Variants in PRKDC observed in about 807,000 individuals in gnomAD.
The protein encoded by PRKDC is protein kinase, DNA-activated, catalytic subunit.
In PRKDC, 82 loss-of-function variants were observed where a neutral mutation model predicts 486.9. The ratio of observed to expected loss-of-function variants is 0.17; its 90% CI spans 0.14 to 0.20. PRKDC has a LOEUF of 0.20. Among genes scored for constraint, PRKDC ranks in the 10% least tolerant of loss-of-function variants. PRKDC has a pLI of 1.00. For synonymous variants in PRKDC, 1,895 were observed against 1,837.0 expected, an observed-to-expected ratio of 1.03 and a Z score of -0.81; for missense variants, 4,504 against 5,038.2, an observed-to-expected ratio of 0.89 and a Z score of 3.21.
chr8:47,834,619 C>G (rs2087967465), intron 58 of PRKDC, among the ~76,000 whole-genome samples: 1 of 152,056 alleles, frequency 6.6e-6, no homozygotes, highest in Non-Finnish European at 1.5e-5. Context: ...AAGTAAGAAA[C>G]ACGCCACTTG....
At chr8:47,941,199 T>G (rs2090439693) in intron 10 of PRKDC, among the ~76,000 whole-genome samples, 2 of 147,854 alleles carry the variant, frequency 1.4e-5, no homozygotes, top group Admixed American at 6.7e-5. Context: ...GTGAGGAAAA[T>G]ATATTCAACA....
intron 29 of PRKDC, 127 bp downstream of exon 29, chr8:47,898,343 T>G (rs1432221184): frequency 5.3e-6 from 4 of 753,882 alleles, no homozygotes; most frequent in African/African-American, 1.8e-5. Flanking sequence ...TCTTCAGACT[T>G]CCACACATTC....
chr8:47,877,009 T>G (rs1353533628), intron 40 of PRKDC, among the ~76,000 whole-genome samples: 1 of 152,238 alleles, frequency 6.6e-6, no homozygotes, highest in Non-Finnish European at 1.5e-5. Flanking sequence ...CAACTATTAG[T>G]CTTGCCAAAA....
chr8:47,899,558 G>A (rs1276565139), intron 28 of PRKDC, among the ~76,000 whole-genome samples: 2 of 152,144 alleles, frequency 1.3e-5, no homozygotes, highest in African/African-American at 4.8e-5. Context: ...CAGGAGAATC[G>A]CTTGAACCCA....
chr8:47,933,584 ATAAC>A (rs2090295971), intron 15 of PRKDC, among the ~76,000 whole-genome samples: 1 of 152,246 alleles, frequency 6.6e-6, no homozygotes, highest in African/African-American at 2.4e-5. Flanking sequence ...ATGTGCATAC[ATAAC>A]TAAATATGCA....
chr8:47,889,231 G>A lies in PRKDC; in HGVS notation c.4072-9C>T. 1.9e-6 allele frequency: 3 copies of A among 1,582,950 alleles called. No individual in the cohort carries two copies. The highest frequency in any genetic ancestry group is 2.6e-6 in the Non-Finnish European group (3 of 1,164,470). ...AAGTCCTTCTTCAGGAGCTGTAACAGATTGTTTGATAAAAACACTTCGTCA... is the reference window on the plus strand; with the variant it reads ...AAGTCCTTCTTCAGGAGCTGTAACAAATTGTTTGATAAAAACACTTCGTCA... On this transcript the variant is annotated splice_polypyrimidine_tract_variant and intron_variant, in intron 32 of 85. Coordinates refer to ENST00000314191, the MANE Select transcript of PRKDC (RefSeq NM_006904.7).
intron 59 of PRKDC, 64 bp downstream of exon 59, chr8:47,834,132 G>T (rs1271170479): frequency 2.5e-6 from 4 of 1,579,784 alleles, no homozygotes; most frequent in South Asian, 2.2e-5. Context: ...AATGTCCCCA[G>T]ACCTGAGCTC....
In PRKDC at chr8:47,944,019, A is replaced by G; in HGVS notation, c.732T>C (p.Thr244=). The G allele has an allele frequency of 6.4e-7, 1 of 1,562,876 alleles. No individual in the cohort carries two copies. The highest frequency in any genetic ancestry group is 1.4e-5 in the African/African-American group (1 of 73,530). The change falls in exon 8 of 86, where the codon ACT becomes ACC. Residue 244 remains threonine, a synonymous_variant. Coordinates refer to ENST00000314191, the MANE Select transcript of PRKDC (RefSeq NM_006904.7). ...GTACAAAATTAAAAATCTCCCTTGAAGTCTGGGGATCTAGGGAAATACCAA... is the reference window on the plus strand; with the variant it reads ...GTACAAAATTAAAAATCTCCCTTGAGGTCTGGGGATCTAGGGAAATACCAA... ...FTKSMEEDPQ[T]SREIFNFVLK...
chr8:47,820,453 G>GA (rs747833902), intron 66 of PRKDC, among the ~76,000 whole-genome samples: 7 of 149,498 alleles, frequency 4.7e-5, no homozygotes, highest in East Asian at 2.0e-4. Flanking sequence ...TAACAAAAAG[G>GA]AAAAAAAATG....
At chr8:47,911,629 C>T (rs2089904921) in intron 25 of PRKDC, among the ~76,000 whole-genome samples, 1 of 152,014 alleles carries the variant, frequency 6.6e-6, no homozygotes, top group Admixed American at 6.6e-5. Flanking sequence ...TAAGTGTGTA[C>T]CCTGATATCC....
At chr8:47,888,730 A>G (rs1250001441) in intron 33 of PRKDC, 80 bp from the exon 34 acceptor site, 4 of 1,451,730 alleles carry the variant, frequency 2.8e-6, no homozygotes, top group Non-Finnish European at 3.6e-6. Context: ...AAATGTTTGC[A>G]CTGTTATGAA....
At chr8:47,827,025 A>C (rs1022737030) in intron 62 of PRKDC, among the ~76,000 whole-genome samples, 164 bp from the exon 63 acceptor site, 3 of 151,962 alleles carry the variant, frequency 2.0e-5, no homozygotes, top group South Asian at 2.1e-4. Context: ...AACAATATTC[A>C]ATTTGCTCAA....
Position 47,825,449 on chromosome 8 carries a change from C to A in PRKDC, c.8783+1207G>T, listed in dbSNP as rs182542571. Among the ~76,000 whole-genome samples, 752 of 125,248 alleles carry A rather than the reference C, an allele frequency of 6.0e-3. 12 individuals are homozygous for A. The highest frequency in any genetic ancestry group is 0.023 in the African/African-American group (727 of 32,088). 82.2% of individuals were successfully genotyped at this position (125,248 alleles called of 152,430 possible). A position where few individuals can be genotyped will look rare whatever the true frequency, so the allele number is the denominator to read the frequency against. The stretch of plus-strand genomic sequence containing the variant: ...GCTTGAACCCGGGAGGTGGAGGTTG[C>A]AGTGAGCCAAGATTGTGCCACTGCA... On this transcript the variant is annotated intron_variant, in intron 63 of 85. Coordinates refer to ENST00000314191, the MANE Select transcript of PRKDC (RefSeq NM_006904.7).
chr8:47,859,557 C>T (rs1427886135), intron 46 of PRKDC, 54 bp downstream of exon 46: 3 of 1,574,496 alleles, frequency 1.9e-6, no homozygotes, highest in Non-Finnish European at 1.7e-6. Flanking sequence ...TAGCTGTGAC[C>T]CCCTTTCTTC....
At chr8:47,943,824 A>G in intron 9 of PRKDC, 29 bp downstream of exon 9, 1 of 1,523,308 alleles carries the variant, frequency 6.6e-7, no homozygotes, top group Non-Finnish European at 8.9e-7. Context: ...AATCTAAAAT[A>G]TTATACCTCA....
chr8:47,889,378 T>C (rs1444930027), intron 32 of PRKDC, among the ~76,000 whole-genome samples, 156 bp from the exon 33 acceptor site: 1 of 152,232 alleles, frequency 6.6e-6, no homozygotes, highest in Non-Finnish European at 1.5e-5. Context: ...TTGAGGTTTG[T>C]GGGCTAGACA....
intron 80 of PRKDC, among the ~76,000 whole-genome samples, chr8:47,780,701 A>T (rs1320232055): frequency 6.6e-6 from 1 of 152,190 alleles, no homozygotes; most frequent in Non-Finnish European, 1.5e-5. Context: ...GTACTTTAGG[A>T]GGCCAATGGG....
At chr8:47,954,033 T>C in intron 5 of PRKDC, 114 bp from the exon 6 acceptor site, 1 of 610,306 alleles carries the variant, frequency 1.6e-6, no homozygotes, top group African/African-American at 1.8e-5. Context: ...GATTTTACAG[T>C]AAGAGATATA....
intron 41 of PRKDC, among the ~76,000 whole-genome samples, 170 bp from the exon 42 acceptor site, chr8:47,863,747 G>T (rs559629224): frequency 6.6e-6 from 1 of 152,256 alleles, no homozygotes; most frequent in African/African-American, 2.4e-5. Flanking sequence ...TCTAGAACAC[G>T]AATATAAGCA....
Sources: gnomAD v4.1 joint callset for allele counts (sites outside exome capture counted in the v4.1 genomes callset) on GRCh38, gnomAD v4.1.1 for gene constraint, MANE v1.5 for transcripts, NCBI Gene and HGNC (gene_info 2026-07-23, HGNC 2026-07-21) for gene names.